NEDD4L: variants seen among roughly 807,000 people sequenced by gnomAD.
The protein encoded by NEDD4L is E3 ubiquitin-protein ligase NEDD4-like.
A neutral mutation model predicts 148.9 loss-of-function variants in NEDD4L; 54 were observed. The ratio of observed to expected loss-of-function variants is 0.36; its 90% confidence interval spans 0.29 to 0.45. The LOEUF (loss-of-function observed/expected upper bound fraction) is 0.45, where lower values mean the gene tolerates loss of function less well. Among genes scored for constraint, NEDD4L ranks in the 20% least tolerant of loss-of-function variants. The probability of loss-of-function intolerance (pLI) is 1.00; values close to 1 mark genes in which losing one functional copy is unlikely to be tolerated. For synonymous variants in NEDD4L, 433 were observed against 440.7 expected (o/e 0.98, Z 0.22); for missense variants, 856 against 1,233.8 (o/e 0.69, Z 4.59).
intron 5 of NEDD4L, among the ~76,000 whole-genome samples, chr18:58,276,563 A>G (rs935954357): frequency 1.3e-5 from 2 of 151,966 alleles, no homozygotes; most frequent in Admixed American, 6.6e-5. Flanking sequence ...ACTTTTCTGA[A>G]TCTGTTTCCC....
chr18:58,280,547 T>C (rs2052894134), intron 5 of NEDD4L, among the ~76,000 whole-genome samples: 1 of 152,118 alleles, frequency 6.6e-6, no homozygotes, highest in South Asian at 2.1e-4. Flanking sequence ...TCTGTGCATA[T>C]TGGTAGGTTC....
At chr18:58,119,802 C>G (rs919220877) in intron 1 of NEDD4L, among the ~76,000 whole-genome samples, 17 of 152,342 alleles carry the variant, frequency 1.1e-4, no homozygotes, top group African/African-American at 4.1e-4. Context: ...CCCTGGGGTT[C>G]ACACCCAGAA....
rs549069380 is a variant in NEDD4L, at chr18:58,357,800, C to T, written c.1767+548C>T. Among the ~76,000 whole-genome samples the T allele has an allele frequency of 5.3e-5, 8 of 152,186 alleles. No homozygotes were observed. In the South Asian group the frequency reaches 8.3e-4, roughly 16 times the overall value. On this transcript the variant is annotated intron_variant, in intron 19 of 30. Coordinates refer to ENST00000400345, the MANE Select transcript of NEDD4L (RefSeq NM_001144967.3). ...GAAAAAGAATCAATTCTGATGCAGG[C>T]GTGATGACCTCTTAAAACACCGTAG... is the stretch of plus-strand genomic sequence containing the variant.
intron 5 of NEDD4L, among the ~76,000 whole-genome samples, chr18:58,276,698 T>TA (rs1197804013): frequency 1.2e-5 from 1 of 86,138 alleles, no homozygotes; most frequent in African/African-American, 7.1e-5. Flanking sequence ...ATAATAATAT[T>TA]ATTATTATTA....
At chr18:58,393,212 C>T (rs2050055570) in intron 30 of NEDD4L, among the ~76,000 whole-genome samples, 1 of 152,126 alleles carries the variant, frequency 6.6e-6, no homozygotes, top group African/African-American at 2.4e-5. Flanking sequence ...ATTTCGGAGC[C>T]CACATGATTC....
intron 10 of NEDD4L, among the ~76,000 whole-genome samples, chr18:58,329,339 AT>A (rs760431571): frequency 1.4e-4 from 21 of 152,302 alleles, no homozygotes; most frequent in Admixed American, 3.9e-4. Context: ...TATTATAGAA[AT>A]GGGAATAACA....
rs145438509 is a variant in NEDD4L, at chr18:58,108,109, G to C, written c.49-57679G>C. ...CCATTGTGGGATGCACATTGATTTA[G>C]TTAGATCTTGAGTGAAGAGATACTG... On this transcript the variant is annotated intron_variant, in intron 1 of 30. Coordinates refer to ENST00000400345, the MANE Select transcript of NEDD4L (RefSeq NM_001144967.3). 3.1e-4 allele frequency among the ~76,000 whole-genome samples: 47 copies of C among 152,310 alleles called. No homozygotes were observed. In the East Asian group the frequency reaches 8.1e-3, roughly 26 times the overall value.
At chr18:58,359,647 A>T (rs979339938) in intron 19 of NEDD4L, among the ~76,000 whole-genome samples, 15 of 151,736 alleles carry the variant, frequency 9.9e-5, no homozygotes, top group Admixed American at 3.3e-4. Context: ...TCTTCCATCC[A>T]TTTTTTTTCT....
chr18:58,381,301 C>G (rs1256221620), intron 24 of NEDD4L, among the ~76,000 whole-genome samples: 1 of 152,216 alleles, frequency 6.6e-6, no homozygotes, highest in Non-Finnish European at 1.5e-5. Context: ...CTTATTTTCT[C>G]TCTCATCCCT....
chr18:58,046,053 A>T (rs987901102), intron 1 of NEDD4L: 1 of 152,110 alleles, frequency 6.6e-6, no homozygotes, highest in Non-Finnish European at 1.5e-5. Flanking sequence ...TGGGGTGGGA[A>T]GGGTGTTTAG....
At chr18:58,221,596 C>T in intron 2 of NEDD4L, 1 of 985,312 alleles carries the variant, frequency 1.0e-6, no homozygotes, top group Non-Finnish European at 1.2e-6. Context: ...TGCTGGTATT[C>T]CCCCGGTATC....
rs755043638 is a variant in NEDD4L at position 58,373,168 on chromosome 18, C to T, written c.2257-6C>T. On this transcript the variant is annotated splice_polypyrimidine_tract_variant and splice_region_variant and intron_variant, in intron 23 of 30. Transcript: ENST00000400345. Reference sequence around the variant, plus strand: ...GCTGAATTTTCACTCCTGTGTCATTCTGTAGGATAGTGAATATTACAACTC... The same window carrying T: ...GCTGAATTTTCACTCCTGTGTCATTTTGTAGGATAGTGAATATTACAACTC... The T allele has an allele frequency of 1.7e-5, 26 of 1,507,112 alleles. No homozygotes were observed. Among genetic ancestry groups the T allele is most frequent in the Non-Finnish European group, 2.2e-5 (24 of 1,102,688 alleles). 93.4% of individuals were successfully genotyped at this position (1,507,112 alleles called of 1,614,324 possible). A position where few individuals can be genotyped will look rare whatever the true frequency, so the allele number is the denominator to read the frequency against.
intron 29 of NEDD4L, 131 bp from the exon 30 acceptor site, chr18:58,391,356 A>G: frequency 1.4e-6 from 1 of 712,142 alleles, no homozygotes. Flanking sequence ...ATGTTGCAGC[A>G]GAAGAGAGTG....
intron 5 of NEDD4L, among the ~76,000 whole-genome samples, chr18:58,264,895 C>G (rs478292): frequency 6.6e-6 from 1 of 152,062 alleles, no homozygotes; most frequent in Non-Finnish European, 1.5e-5. Flanking sequence ...TGAATAATCA[C>G]TGCACGTGAA....
intron 1 of NEDD4L, among the ~76,000 whole-genome samples, chr18:58,142,659 C>T (rs943642809): frequency 6.6e-6 from 1 of 152,158 alleles, no homozygotes; most frequent in Non-Finnish European, 1.5e-5. Context: ...TCATTACTGG[C>T]TGAATGACCT....
At chr18:58,114,381 C>T (rs1233510248) in intron 1 of NEDD4L, among the ~76,000 whole-genome samples, 1 of 150,760 alleles carries the variant, frequency 6.6e-6, no homozygotes, top group Non-Finnish European at 1.5e-5. Context: ...CACACACATA[C>T]ACACATATAA....
chr18:58,312,672 TTTTGTTTG>T (rs140393997), intron 5 of NEDD4L, among the ~76,000 whole-genome samples: 3 of 151,978 alleles, frequency 2.0e-5, no homozygotes, highest in African/African-American at 7.3e-5. Flanking sequence ...TGAAGACATT[TTTTGTTTG>T]TTTGTTTGTT....
chr18:58,180,147 G>C (rs932014936), intron 2 of NEDD4L, among the ~76,000 whole-genome samples: 1 of 151,552 alleles, frequency 6.6e-6, no homozygotes, highest in Non-Finnish European at 1.5e-5. Flanking sequence ...GTGAACGGGG[G>C]CACAGAGGTC....
In NEDD4L at chr18:58,245,411, A is replaced by T; in HGVS notation, c.123-16A>T. 1 of 1,325,240 alleles carries T rather than the reference A, an allele frequency of 7.5e-7. No individual in the cohort carries two copies. The highest frequency in any genetic ancestry group is 1.1e-6 in the Non-Finnish European group (1 of 942,066). 82.1% of individuals were successfully genotyped at this position (1,325,240 alleles called of 1,614,324 possible). On this transcript the variant is annotated splice_polypyrimidine_tract_variant and intron_variant, in intron 2 of 30. Coordinates refer to ENST00000400345, the MANE Select transcript of NEDD4L (RefSeq NM_001144967.3). ...GAAAAGTATAATCCTATTAAATCTA[A>T]AATATTTTCTTACAGTGATCCGTAT...
Sources: gnomAD v4.1 joint callset for allele counts (sites outside exome capture counted in the v4.1 genomes callset) on GRCh38, gnomAD v4.1.1 for gene constraint, MANE v1.5 for transcripts, NCBI Gene and HGNC (gene_info 2026-07-23, HGNC 2026-07-21) for gene names.